Variants in NUP160 observed in about 807,000 individuals in gnomAD.
NUP160 encodes nuclear pore complex protein Nup160.
In NUP160, 94 loss-of-function variants were observed where a neutral mutation model predicts 196.9. That is an observed-to-expected ratio of 0.48 (90% CI 0.40 to 0.57). The LOEUF (loss-of-function observed/expected upper bound fraction) is 0.57. Ranked by LOEUF, NUP160 falls within the 20% of genes least tolerant of loss-of-function variation. The pLI, the probability that NUP160 is intolerant of heterozygous loss-of-function variation, is 0.00. For synonymous variants in NUP160, 605 were observed against 619.7 expected (o/e 0.98, Z 0.35); for missense variants, 1,638 against 1,748.3 (o/e 0.94, Z 1.13).
chr11:47,789,897 C>T (rs1312382423), intron 29 of NUP160, among the ~76,000 whole-genome samples: 1 of 151,468 alleles, frequency 6.6e-6, no homozygotes, highest in Non-Finnish European at 1.5e-5. Context: ...GCCTTACTGA[C>T]AACCTAAACA....
At chr11:47,801,977 C>G in intron 22 of NUP160, 47 bp from the exon 23 acceptor site, 1 of 1,598,060 alleles carries the variant, frequency 6.3e-7, no homozygotes, top group Non-Finnish European at 8.6e-7. Flanking sequence ...CATTCAAATT[C>G]TAGGTGCTAT....
At chr11:47,786,387 T>A in intron 32 of NUP160, 66 bp downstream of exon 32, 1 of 964,768 alleles carries the variant, frequency 1.0e-6, no homozygotes, top group Admixed American at 2.0e-5. Context: ...GACAATTTAG[T>A]CAGAGAAAGA....
chr11:47,835,155 C>A (rs2135397857), intron 7 of NUP160, among the ~76,000 whole-genome samples: 1 of 152,200 alleles, frequency 6.6e-6, no homozygotes, highest in Admixed American at 6.5e-5. Flanking sequence ...CATATGAGCC[C>A]AGAGTAAGCA....
At chr11:47,832,206 T>G (rs550063598) in intron 7 of NUP160, among the ~76,000 whole-genome samples, 108 of 152,174 alleles carry the variant, frequency 7.1e-4, no homozygotes, top group African/African-American at 2.2e-3. Context: ...GCCCACAAAT[T>G]CCATCTTGTC....
At chr11:47,801,834 G>C in exon 23 of NUP160, 1 of 1,613,918 alleles carries the variant, frequency 6.2e-7, no homozygotes, top group East Asian at 2.2e-5. Flanking sequence ...TGCAGCCTGG[G>C]GGTAGACACG....
At chr11:47,802,130 A>C (rs2097674515) in intron 22 of NUP160, among the ~76,000 whole-genome samples, 200 bp from the exon 23 acceptor site, 2 of 152,158 alleles carry the variant, frequency 1.3e-5, no homozygotes, top group East Asian at 1.9e-4. Flanking sequence ...CTTAAGTGCT[A>C]CCAATTAAAA....
At chr11:47,784,987 A>C in exon 33 of NUP160, 6 of 1,604,510 alleles carry the variant, frequency 3.7e-6, no homozygotes, top group Non-Finnish European at 5.1e-6. Flanking sequence ...TTGATTACAC[A>C]GTGGTGATAC....
intron 5 of NUP160, among the ~76,000 whole-genome samples, 182 bp downstream of exon 5, chr11:47,837,363 C>T (rs1713667339): frequency 6.6e-6 from 1 of 152,176 alleles, no homozygotes; most frequent in African/African-American, 2.4e-5. Context: ...ACAAGGCATC[C>T]AATTGCAGAT....
intron 27 of NUP160, chr11:47,796,420 C>A: frequency 1.0e-4 from 32 of 309,840 alleles, no homozygotes; most frequent in Middle Eastern, 9.6e-4. Context: ...TAACTGATGA[C>A]ATTAAAAAAA....
intron 27 of NUP160, among the ~76,000 whole-genome samples, chr11:47,794,607 A>G (rs966774476): frequency 6.6e-6 from 1 of 151,974 alleles, no homozygotes; most frequent in Non-Finnish European, 1.5e-5. Context: ...CGTCTCTACT[A>G]AAAATACAAA....
At chr11:47,824,894 G>GT in intron 7 of NUP160, among the ~76,000 whole-genome samples, 1 of 151,800 alleles carries the variant, frequency 6.6e-6, no homozygotes, top group Non-Finnish European at 1.5e-5. Context: ...GGAGTGCAGT[G>GT]GTGTGATCTC....
intron 7 of NUP160, among the ~76,000 whole-genome samples, chr11:47,833,696 T>A (rs1414457083): frequency 6.6e-6 from 1 of 152,148 alleles, no homozygotes. Flanking sequence ...GAGGCTGCTC[T>A]CCTTAGAAAG....
intron 32 of NUP160, among the ~76,000 whole-genome samples, chr11:47,786,029 T>C (rs901899143): frequency 1.3e-5 from 2 of 152,148 alleles, no homozygotes; most frequent in Non-Finnish European, 2.9e-5. Flanking sequence ...GAAGGTATAG[T>C]GGATGATGGG....
At chr11:47,824,746 C>A (rs1851933891) in intron 7 of NUP160, among the ~76,000 whole-genome samples, 1 of 152,102 alleles carries the variant, frequency 6.6e-6, no homozygotes, top group African/African-American at 2.4e-5. Context: ...CTCAAGCTAT[C>A]TTCCTACCTC....
chr11:47,804,860 G>A (rs2097676541), intron 20 of NUP160, among the ~76,000 whole-genome samples: 1 of 152,128 alleles, frequency 6.6e-6, no homozygotes, highest in African/African-American at 2.4e-5. Flanking sequence ...TATTTCACCA[G>A]GCACGGTGGC....
At chr11:47,787,236 C>T (rs1016684308) in intron 31 of NUP160, among the ~76,000 whole-genome samples, 14 of 151,852 alleles carry the variant, frequency 9.2e-5, no homozygotes, top group Admixed American at 1.3e-4. Context: ...TACAGGCACA[C>T]GCCACCTCTC....
intron 6 of NUP160, 116 bp downstream of exon 6, chr11:47,836,771 C>A: frequency 1.6e-6 from 1 of 615,524 alleles, no homozygotes; most frequent in Non-Finnish European, 2.9e-6. Context: ...TGGCAGTGAC[C>A]AATAAGTTCC....
chr11:47,782,991 G>T, intron 34 of NUP160, 82 bp downstream of exon 34: 2 of 1,157,096 alleles, frequency 1.7e-6, no homozygotes, highest in Non-Finnish European at 2.5e-6. Flanking sequence ...TCTCATAAAT[G>T]TTCATCACTT....
exon 28 of NUP160, chr11:47,792,836 G>C (rs754215220): frequency 2.5e-6 from 4 of 1,614,150 alleles, no homozygotes; most frequent in Non-Finnish European, 3.4e-6. Flanking sequence ...GGACGAATAA[G>C]TCGTAAACAA....
Sources: allele counts gnomAD v4.1 joint callset (sites outside exome capture counted in the v4.1 genomes callset), GRCh38; gene constraint gnomAD v4.1.1; transcripts MANE v1.5; gene names NCBI Gene and HGNC (gene_info 2026-07-23, HGNC 2026-07-21).